Variants in RNF103 observed in about 807,000 individuals in gnomAD.
RNF103 encodes E3 ubiquitin-protein ligase RNF103.
In RNF103, 23 loss-of-function variants were observed where a neutral mutation model predicts 66.2. The ratio of observed to expected loss-of-function variants is 0.35; its 90% CI spans 0.25 to 0.49. The LOEUF (loss-of-function observed/expected upper bound fraction) is 0.49. RNF103 is among the 20% of genes least tolerant of loss of function. The pLI, the probability that RNF103 is intolerant of heterozygous loss-of-function variation, is 0.98. For missense variants in RNF103, 730 were observed against 814.7 expected (o/e 0.90, Z 1.27); for synonymous variants, 297 against 289.9 (o/e 1.02, Z -0.25).
chr2:86,611,152 C>A (rs1423436790), intron 3 of RNF103, among the ~76,000 whole-genome samples: 1 of 151,464 alleles, frequency 6.6e-6, no homozygotes, highest in Non-Finnish European at 1.5e-5. Context: ...TGCACTACAG[C>A]CTGAGTCACA....
chr2:86,622,609 G>T, intron 1 of RNF103, 52 bp downstream of exon 1: 1 of 1,567,606 alleles, frequency 6.4e-7, no homozygotes, highest in Non-Finnish European at 8.8e-7. Flanking sequence ...AGGAGGTACA[G>T]GTCGTCCCCT....
Position 86,604,180 on chromosome 2 carries a change from T to G in RNF103, c.1721A>C (p.Glu574Ala). 1 of 1,613,920 alleles carries G rather than the reference T, an allele frequency of 6.2e-7. No homozygotes were observed. Among genetic ancestry groups the G allele is most frequent in the Non-Finnish European group, 8.5e-7 (1 of 1,180,042 alleles). The change falls in exon 4 of 4, where the codon GAG becomes GCG. Residue 574 changes from glutamate to alanine, a missense_variant. Coordinates refer to ENST00000237455, the MANE Select transcript of RNF103 (RefSeq NM_005667.4). ...SPGTASHCDA[E>A]ACSCANKYCQ... ...ATATTTATTGGCACATGAACAAGCC[T>G]CAGCATCACAGTGACTTGCTGTTCC...
intron 2 of RNF103, 35 bp downstream of exon 2, chr2:86,620,295 C>A (rs748505758): frequency 3.2e-6 from 5 of 1,549,384 alleles, no homozygotes; most frequent in Non-Finnish European, 4.4e-6. Flanking sequence ...TTTTTTAGGG[C>A]TCTCGAATTA....
At position 86,609,382 on chromosome 2, in the gene RNF103, G is replaced by T. The variant is rs577516192; in HGVS notation, c.482+2777C>A. Among the ~76,000 whole-genome samples the T allele has an allele frequency of 2.1e-4, 30 of 140,528 alleles. No homozygotes were observed. The South Asian group carries it at 6.3e-3, about 30-fold the overall frequency. The allele number at this position is 140,528 out of a possible 152,430, so 92.2% of individuals were successfully genotyped here. A position where few individuals can be genotyped will look rare whatever the true frequency, so the allele number is the denominator to read the frequency against. On this transcript the variant is annotated intron_variant, in intron 3 of 3. Coordinates refer to ENST00000237455, the MANE Select transcript of RNF103 (RefSeq NM_005667.4). ...TTCTTCATAAATTACTCAGCCTCAG[G>T]TATTTTTTTTTTTTTTTTTTGAGAC...
chr2:86,603,969 A>G lies in RNF103; in HGVS notation c.1932T>C (p.His644=). The G allele has an allele frequency of 6.2e-7, 1 of 1,614,172 alleles. No individual in the cohort carries two copies. Among genetic ancestry groups the G allele is most frequent in the Non-Finnish European group, 8.5e-7 (1 of 1,180,030 alleles). The change falls in exon 4 of 4, where the codon CAT becomes CAC. Residue 644 remains histidine, a synonymous_variant. Transcript: ENST00000237455. ...CCAACCACATCACAATGCAATTCTG[A>G]TGAAACACATGACCACAAGGCAACC... The part of the protein sequence containing the change: ...LMGLPCGHVF[H]QNCIVMWLAG...
intron 3 of RNF103, among the ~76,000 whole-genome samples, chr2:86,608,733 C>CTAAT (rs891815350): frequency 5.9e-5 from 9 of 151,942 alleles, no homozygotes; most frequent in African/African-American, 2.2e-4. Flanking sequence ...CTTCTCTTTA[C>CTAAT]TAATCCCCAT....
Position 86,605,059 on chromosome 2 carries a change from C to A in RNF103, c.842G>T (p.Gly281Val). Residue 281 changes from glycine (G) to valine (V), a missense_variant, in exon 4 of 4, where the codon GGC becomes GTC. Coordinates refer to ENST00000237455, the MANE Select transcript of RNF103 (RefSeq NM_005667.4). ...WDNKSYMTDI[G>V]IYNMPSYILR... The stretch of plus-strand genomic sequence containing the variant: ...TATGTATGATGGCATATTATATATG[C>A]CAATATCTGTCATATAACTCTTGTT... 1 of 1,613,888 alleles carries A rather than the reference C, an allele frequency of 6.2e-7. No individual in the cohort carries two copies.
Position 86,622,793 on chromosome 2 carries a change from T to C in RNF103, c.94A>G (p.Ile32Val), listed in dbSNP as rs373913066. 1.5e-4 allele frequency: 238 copies of C among 1,614,036 alleles called. No individual in the cohort carries two copies. The highest frequency in any genetic ancestry group is 1.9e-4 in the Non-Finnish European group (220 of 1,180,026). Reference protein sequence around the residue: ...FEAIVWYETGIFATQLVDPVA... With the variant: ...FEAIVWYETGVFATQLVDPVA... The stretch of plus-strand genomic sequence containing the variant: ...GGATCCACCAGCTGGGTGGCAAAGA[T>C]GCCAGTTTCATACCACACAATGGCC... Residue 32 changes from isoleucine to valine, a missense_variant, in exon 1 of 4, where the codon ATC (isoleucine) becomes GTC (valine). Ile to Val is a conservative substitution (Grantham distance 29, BLOSUM62 3). Around this residue, in one of 3 missense-constraint regions of RNF103, gnomAD observed 327 missense variants for 369.8 expected, o/e 0.88. Coordinates refer to ENST00000237455, the MANE Select transcript of RNF103 (RefSeq NM_005667.4).
At chr2:86,621,892 A>G (rs1168000018) in intron 1 of RNF103, among the ~76,000 whole-genome samples, 2 of 152,200 alleles carry the variant, frequency 1.3e-5, no homozygotes, top group Non-Finnish European at 2.9e-5. Context: ...CAAAACCAAC[A>G]ATTACTAAAA....
intron 3 of RNF103, among the ~76,000 whole-genome samples, chr2:86,608,732 A>C (rs1391595311): frequency 3.3e-5 from 5 of 151,642 alleles, no homozygotes; most frequent in African/African-American, 1.2e-4. Context: ...TCTTCTCTTT[A>C]CTAATCCCCA....
In RNF103 at chr2:86,603,957, A is replaced by C; in HGVS notation, c.1944T>G (p.Ile648Met). 4 of 1,614,186 alleles carry C rather than the reference A, an allele frequency of 2.5e-6. No homozygotes were observed. The highest frequency in any genetic ancestry group is 3.4e-6 in the Non-Finnish European group (4 of 1,180,034). ...GTCGGCCCCCAGCCAACCACATCAC[A>C]ATGCAATTCTGATGAAACACATGAC... The part of the protein sequence containing the change: ...PCGHVFHQNC[I>M]VMWLAGGRHC... Residue 648 changes from isoleucine to methionine, a missense_variant, in exon 4 of 4, where the codon ATT (isoleucine) becomes ATG (methionine). Physicochemically the swap from Ile to Met is conservative, Grantham distance 10 (BLOSUM62 1). Around this residue, in one of 3 missense-constraint regions of RNF103, gnomAD observed 355 missense variants for 351.9 expected, o/e 1.01. Coordinates refer to ENST00000237455, the MANE Select transcript of RNF103 (RefSeq NM_005667.4).
chr2:86,623,798 C>T lies in RNF103; in HGVS notation c.-912G>A, dbSNP rs773498206. ...CCGTCCCCAACACCCCCGCCACCTC[C>T]GGAGACCGCGGCCGTACCCTCCACA... On this transcript the variant is annotated 5_prime_UTR_variant, in exon 1 of 4. Transcript: ENST00000237455. The T allele has an allele frequency of 3.1e-6, 4 of 1,282,898 alleles. No individual in the cohort carries two copies. In the South Asian group the frequency reaches 3.7e-5, roughly 12 times the overall value. The allele number at this position is 1,282,898 out of a possible 1,614,324, so 79.5% of individuals were successfully genotyped here. A position where few individuals can be genotyped will look rare whatever the true frequency, so the allele number is the denominator to read the frequency against.
intron 1 of RNF103, among the ~76,000 whole-genome samples, chr2:86,622,042 A>T (rs1679247605): frequency 8.2e-6 from 1 of 122,012 alleles, no homozygotes; most frequent in Admixed American, 8.2e-5. Context: ...AAATTTTTAA[A>T]AATCCTAACA....
chr2:86,623,875 C>T (rs1437010065), upstream of RNF103: 26 of 1,287,222 alleles, frequency 2.0e-5, no homozygotes, highest in East Asian at 5.6e-5. Flanking sequence ...CAACTGACGT[C>T]GCGATGAGGC....
At chr2:86,608,084 T>C (rs367755497) in intron 3 of RNF103, among the ~76,000 whole-genome samples, 32 of 152,334 alleles carry the variant, frequency 2.1e-4, no homozygotes, top group African/African-American at 6.3e-4. Context: ...AAATATCCTC[T>C]AGTTTTTAAA....
In RNF103 at chr2:86,616,655, G is replaced by A. The variant is rs1679036648; in HGVS notation, c.366+3675C>T. 2.0e-5 allele frequency: 20 copies of A among 985,042 alleles called. No homozygotes were observed. In the South Asian group the frequency reaches 3.3e-4, roughly 16 times the overall value. The allele number at this position is 985,042 out of a possible 1,614,324, so 61.0% of individuals were successfully genotyped here. ...TCAGCCAAACAGGAAATATATTGAT[G>A]TAATACTTCAGTAAATATTGACCCA... is the stretch of plus-strand genomic sequence containing the variant. On this transcript the variant is annotated intron_variant, in intron 2 of 3. Transcript: ENST00000237455.
At chr2:86,606,685 A>AAAG (rs1392906357) in intron 3 of RNF103, among the ~76,000 whole-genome samples, 20 of 150,408 alleles carry the variant, frequency 1.3e-4, no homozygotes, top group Non-Finnish European at 2.7e-4. Flanking sequence ...AAAAAAAAAA[A>AAAG]AAGAAAGAAC....
Position 86,617,692 on chromosome 2 carries a change from T to C in RNF103, c.366+2638A>G, listed in dbSNP as rs545478740. The C allele has an allele frequency of 3.8e-3, 3,768 of 988,650 alleles. 6 individuals are homozygous for C. Among genetic ancestry groups the C allele is most frequent in the Non-Finnish European group, 4.4e-3 (3,629 of 830,812 alleles). The allele number at this position is 988,650 out of a possible 1,614,324, so 61.2% of individuals were successfully genotyped here. ...AATTCTTGAAAGTTATCCTTTACAA[T>C]AGATTAATATATATGATCTGAGCTG... On this transcript the variant is annotated intron_variant, in intron 2 of 3. Transcript: ENST00000237455.
At chr2:86,618,295 A>T (rs1294969179) in intron 2 of RNF103, 1 of 199,470 alleles carries the variant, frequency 5.0e-6, no homozygotes, top group African/African-American at 2.4e-5. Flanking sequence ...AACTGATGTT[A>T]TATTAAATAT....
Sources: gnomAD v4.1 joint callset for allele counts (sites outside exome capture counted in the v4.1 genomes callset) on GRCh38, gnomAD v4.1.1 for gene constraint, gnomAD v4.1.1 regional missense constraint, MANE v1.5 for transcripts, NCBI Gene and HGNC (gene_info 2026-07-23, HGNC 2026-07-21) for gene names.